The following PEPD variants were observed in gnomAD, a reference collection of about 807,000 sequenced individuals.
PEPD encodes the protein xaa-Pro dipeptidase.
In PEPD, 53 loss-of-function variants were observed where a neutral mutation model predicts 60.7. The observed-to-expected ratio is 0.87, with a 90% CI of 0.70 to 1.10. PEPD has a LOEUF of 1.10. PEPD is among the 50% of genes least tolerant of loss of function. PEPD has a pLI of 0.00. For missense variants in PEPD, 711 were observed against 711.9 expected (o/e 1.00, Z 0.01); for synonymous variants, 267 against 284.1 (o/e 0.94, Z 0.60).
intron 9 of PEPD, among the ~76,000 whole-genome samples, chr19:33,454,630 A>G (rs1315985131): frequency 6.6e-6 from 1 of 151,952 alleles, no homozygotes; most frequent in East Asian, 1.9e-4. Flanking sequence ...GAAAGAAAGT[A>G]CAATTTCAAG....
intron 4 of PEPD, among the ~76,000 whole-genome samples, chr19:33,500,676 C>T (rs1028791680): frequency 3.3e-5 from 5 of 152,188 alleles, no homozygotes; most frequent in African/African-American, 7.2e-5. Flanking sequence ...GTAATCTCAG[C>T]GGCCACAACC....
intron 9 of PEPD, among the ~76,000 whole-genome samples, chr19:33,458,516 C>T (rs950720625): frequency 8.3e-5 from 11 of 132,606 alleles, no homozygotes; most frequent in South Asian, 7.8e-4. Flanking sequence ...GCGTACATGG[C>T]GCATGATGTG....
chr19:33,409,726 T>G (rs1429896297), intron 11 of PEPD, among the ~76,000 whole-genome samples: 1 of 152,150 alleles, frequency 6.6e-6, no homozygotes, highest in Non-Finnish European at 1.5e-5. Context: ...GGGTCCACGG[T>G]GTGGGGGCAG....
intron 9 of PEPD, among the ~76,000 whole-genome samples, chr19:33,439,009 G>A (rs145111912): frequency 6.6e-6 from 1 of 152,350 alleles, no homozygotes; most frequent in East Asian, 1.9e-4. Flanking sequence ...GACAGGTGGC[G>A]TGCCTTCTAG....
At chr19:33,407,086 G>A (rs1430372883) in intron 11 of PEPD, among the ~76,000 whole-genome samples, 1 of 152,216 alleles carries the variant, frequency 6.6e-6, no homozygotes, top group Admixed American at 6.5e-5. Flanking sequence ...ACCAAGGCCT[G>A]GGGCATCCTG....
intron 7 of PEPD, among the ~76,000 whole-genome samples, chr19:33,473,233 GT>G (rs1183650849): frequency 5.3e-5 from 8 of 152,122 alleles, no homozygotes; most frequent in Non-Finnish European, 8.8e-5. Flanking sequence ...TCTTGCTGGC[GT>G]AGGGTTAAAT....
chr19:33,454,670 A>T (rs1008926350), intron 9 of PEPD, among the ~76,000 whole-genome samples: 1 of 152,210 alleles, frequency 6.6e-6, no homozygotes, highest in African/African-American at 2.4e-5. Context: ...ACAAATAAAT[A>T]AATGAGGGAG....
chr19:33,427,663 T>G (rs6510382), intron 9 of PEPD, among the ~76,000 whole-genome samples: 97,698 of 152,090 alleles, frequency 0.64, 31,701 homozygotes, highest in African/African-American at 0.71. Context: ...AACTGGTTTT[T>G]AAATAATCCA....
chr19:33,505,240 C>G (rs1049864710), intron 3 of PEPD, among the ~76,000 whole-genome samples: 1 of 152,090 alleles, frequency 6.6e-6, no homozygotes, highest in Non-Finnish European at 1.5e-5. Flanking sequence ...GCTGCCTCGC[C>G]GACTCTCACT....
At chr19:33,481,308 T>A (rs1163189044) in intron 6 of PEPD, among the ~76,000 whole-genome samples, 4 of 152,202 alleles carry the variant, frequency 2.6e-5, no homozygotes, top group Non-Finnish European at 5.9e-5. Flanking sequence ...GGCTCATGCC[T>A]GCAGTCCCAG....
At chr19:33,417,472 C>G (rs1458299974) in intron 9 of PEPD, among the ~76,000 whole-genome samples, 1 of 152,214 alleles carries the variant, frequency 6.6e-6, no homozygotes, top group South Asian at 2.1e-4. Flanking sequence ...ACCCAGCCTT[C>G]TGGGACTCAA....
intron 9 of PEPD, among the ~76,000 whole-genome samples, chr19:33,429,514 A>G (rs1969226666): frequency 6.6e-6 from 1 of 152,270 alleles, no homozygotes; most frequent in East Asian, 1.9e-4. Context: ...GGATACACAG[A>G]TATCTATTAA....
In PEPD at chr19:33,387,293, A is replaced by T. The variant is rs745563079; in HGVS notation, c.*51T>A. The T allele has an allele frequency of 5.6e-6, 9 of 1,609,814 alleles. No homozygotes were observed. The highest frequency in any genetic ancestry group is 7.6e-6 in the Non-Finnish European group (9 of 1,178,046). On this transcript the variant is annotated 3_prime_UTR_variant, in exon 15 of 15. Coordinates refer to ENST00000244137, the MANE Select transcript of PEPD (RefSeq NM_000285.4). The stretch of plus-strand genomic sequence containing the variant: ...CTGACCAGCAGGCTGCCCATCACGA[A>T]AAGAGGTTGCAAGGCCAGGCCCCCA...
chr19:33,447,711 C>T (rs759223189), intron 9 of PEPD, among the ~76,000 whole-genome samples: 15 of 152,198 alleles, frequency 9.9e-5, no homozygotes, highest in Non-Finnish European at 1.8e-4. Flanking sequence ...CCTGCTCAGC[C>T]ACCCCCAAGA....
intron 1 of PEPD, among the ~76,000 whole-genome samples, chr19:33,519,940 G>A (rs1056763620): frequency 6.6e-6 from 1 of 152,032 alleles, no homozygotes; most frequent in Non-Finnish European, 1.5e-5. Flanking sequence ...GGTGGCACAC[G>A]CCTGTAATTC....
At chr19:33,449,137 T>C (rs1969649388) in intron 9 of PEPD, among the ~76,000 whole-genome samples, 1 of 152,212 alleles carries the variant, frequency 6.6e-6, no homozygotes, top group African/African-American at 2.4e-5. Flanking sequence ...TCCAGGTAGC[T>C]GGCCCACTGT....
rs550514879 is a variant in PEPD at position 33,426,039 on chromosome 19, C to T, written c.672-12396G>A. Among the ~76,000 whole-genome samples the T allele has an allele frequency of 3.9e-5, 6 of 152,322 alleles. No individual in the cohort carries two copies. In the South Asian group the frequency reaches 1.0e-3, roughly 26 times the overall value. On this transcript the variant is annotated intron_variant, in intron 9 of 14. Coordinates refer to ENST00000244137, the MANE Select transcript of PEPD (RefSeq NM_000285.4). The stretch of plus-strand genomic sequence containing the variant: ...CTTGCTATGTTGCCCAGGCTGCTCT[C>T]GAACTCCTGGCCTCAAGTGATCCTC...
At chr19:33,447,535 T>C (rs1969615313) in intron 9 of PEPD, among the ~76,000 whole-genome samples, 1 of 152,238 alleles carries the variant, frequency 6.6e-6, no homozygotes, top group African/African-American at 2.4e-5. Context: ...AGGCCAAGTC[T>C]GAGGCCTGTC....
chr19:33,441,011 G>C (rs112956037), intron 9 of PEPD, among the ~76,000 whole-genome samples: 1 of 152,188 alleles, frequency 6.6e-6, no homozygotes, highest in Non-Finnish European at 1.5e-5. Flanking sequence ...GGAGAGGATC[G>C]GGAGACCCAA....
Sources: gnomAD v4.1 joint callset for allele counts (sites outside exome capture counted in the v4.1 genomes callset) on GRCh38, gnomAD v4.1.1 for gene constraint, MANE v1.5 for transcripts, NCBI Gene and HGNC (gene_info 2026-07-23, HGNC 2026-07-21) for gene names.